The following TEP1 variants were observed in gnomAD, a reference collection of about 807,000 sequenced individuals.
TEP1 encodes the protein telomerase associated protein 1.
Under a neutral mutation model 306.3 loss-of-function variants are expected in TEP1, and 241 were observed. The ratio of observed to expected loss-of-function variants is 0.79; its 90% confidence interval spans 0.71 to 0.88. The LOEUF is 0.88. TEP1 is among the 40% of genes least tolerant of loss of function. The pLI, the probability that TEP1 is intolerant of heterozygous loss-of-function variation, is 0.00. For synonymous variants in TEP1, 1,289 were observed against 1,305.5 expected (o/e 0.99, Z 0.27); for missense variants, 3,051 against 3,276.1 (o/e 0.93, Z 1.68).
At position 20,373,520 on chromosome 14, in the gene TEP1, C is replaced by T. The variant is rs577647442; in HGVS notation, c.6668G>A (p.Trp2223Ter). The change falls in exon 46 of 55, where the codon TGG becomes TAG. Residue 2223 changes from tryptophan to a stop codon, truncating the protein, a stop_gained. Coordinates refer to ENST00000262715, the MANE Select transcript of TEP1 (RefSeq NM_007110.5). LOFTEE classifies it high-confidence loss of function. The stretch of plus-strand genomic sequence containing the variant: ...GCAGGAACTCACCAAGAGTGGATGC[C>T]ATAACCGTGTGGCCCCATCTAGCCC... Reference protein sequence around the residue: ...TVGLDGATRLWHPLLVCQTHT... With the variant: ...TVGLDGATRL 8.7e-6 allele frequency: 14 copies of T among 1,614,214 alleles called. 1 individual carries two copies. The South Asian group carries it at 1.5e-4, about 18-fold the overall frequency.
In TEP1 at chr14:20,390,780, T is replaced by G. The variant is rs370880167; in HGVS notation, c.2257-22A>C. 17 of 1,613,784 alleles carry G rather than the reference T, an allele frequency of 1.1e-5. No individual in the cohort carries two copies. In the African/African-American group the frequency reaches 2.0e-4, roughly 19 times the overall value. On this transcript the variant is annotated intron_variant, in intron 14 of 54. Transcript: ENST00000262715. Reference sequence around the variant, plus strand: ...ACTCCTGAAGGAAAGAGACTTCATGTTATGTGGTTGCACAGTAAGCGACAA... The same window carrying G: ...ACTCCTGAAGGAAAGAGACTTCATGGTATGTGGTTGCACAGTAAGCGACAA...
intron 5 of TEP1, among the ~76,000 whole-genome samples, chr14:20,404,256 G>A (rs548482964): frequency 6.6e-6 from 1 of 151,836 alleles, no homozygotes; most frequent in South Asian, 2.1e-4. Context: ...TTGGGAGGCT[G>A]AGGAAGGAGA....
intron 1 of TEP1, among the ~76,000 whole-genome samples, chr14:20,409,825 C>A (rs557069481): frequency 6.6e-6 from 1 of 151,912 alleles, no homozygotes; most frequent in South Asian, 2.1e-4. Flanking sequence ...TCGAGACCAT[C>A]CTGGCTAACA....
chr14:20,398,313 G>C (rs1878377514), intron 9 of TEP1, among the ~76,000 whole-genome samples: 1 of 151,088 alleles, frequency 6.6e-6, no homozygotes, highest in Non-Finnish European at 1.5e-5. Flanking sequence ...GGGAGGCGGA[G>C]GTTGAAGTGA....
intron 20 of TEP1, among the ~76,000 whole-genome samples, chr14:20,385,853 A>G (rs12895477): frequency 0.12 from 18,018 of 152,062 alleles, 1,445 homozygotes; most frequent in South Asian, 0.17. Flanking sequence ...AAGCAGACCC[A>G]CCCTCTTACT....
intron 5 of TEP1, 94 bp downstream of exon 5, chr14:20,404,516 GA>G: frequency 6.8e-7 from 1 of 1,473,376 alleles, no homozygotes; most frequent in Admixed American, 2.3e-5. Flanking sequence ...AAGCTGAGGG[GA>G]AACCAAATTG....
rs1885300962 is a variant in TEP1 at position 20,378,077 on chromosome 14, C to T, written c.5668G>A (p.Ala1890Thr). 6.2e-7 allele frequency: 1 copy of T among 1,613,908 alleles called. No homozygotes were observed. Among genetic ancestry groups the T allele is most frequent in the Non-Finnish European group, 8.5e-7 (1 of 1,180,042 alleles). Residue 1890 changes from alanine to threonine, a missense_variant, in exon 39 of 55, where the codon GCG becomes ACG. Coordinates refer to ENST00000262715, the MANE Select transcript of TEP1 (RefSeq NM_007110.5). ...FPAHHGFVAA[A>T]LFLHAGCQLL... ...TGGCAACCCGCATGCAGGAAAAGCG[C>T]AGCAGCAACAAAGCCATGGTGGGCA...
chr14:20,373,586 G>A lies in TEP1; in HGVS notation c.6605-3C>T. ...AAGCTCTGACCCAGGCTGTCCAGCT[G>A]ATAAGACACAGAGACTGAGTCAGAA... is the stretch of plus-strand genomic sequence containing the variant. On this transcript the variant is annotated splice_polypyrimidine_tract_variant and splice_region_variant and intron_variant, in intron 45 of 54. Transcript: ENST00000262715. 1 of 1,614,224 alleles carries A rather than the reference G, an allele frequency of 6.2e-7. No homozygotes were observed. Among genetic ancestry groups the A allele is most frequent in the Non-Finnish European group, 8.5e-7 (1 of 1,180,036 alleles).
chr14:20,407,279 T>C (rs1158136186), intron 2 of TEP1, among the ~76,000 whole-genome samples: 1 of 152,238 alleles, frequency 6.6e-6, no homozygotes, highest in Non-Finnish European at 1.5e-5. Flanking sequence ...AGCACCTAAC[T>C]GACTCTGCTA....
chr14:20,405,783 G>A (rs1879125411), intron 3 of TEP1, among the ~76,000 whole-genome samples, 198 bp from the exon 4 acceptor site: 1 of 152,164 alleles, frequency 6.6e-6, no homozygotes, highest in Non-Finnish European at 1.5e-5. Flanking sequence ...GGAGACTGAG[G>A]TGGGCAGACC....
intron 21 of TEP1, 55 bp from the exon 22 acceptor site, chr14:20,384,768 C>T (rs934291376): frequency 3.2e-6 from 5 of 1,550,120 alleles, no homozygotes; most frequent in Middle Eastern, 3.4e-4. Flanking sequence ...GCCAGCCTCC[C>T]TCCACCAACC....
intron 6 of TEP1, 21 bp from the exon 7 acceptor site, chr14:20,403,469 A>G (rs1273505938): frequency 6.2e-7 from 1 of 1,613,052 alleles, no homozygotes; most frequent in East Asian, 2.2e-5. Context: ...AGGAGAAGCA[A>G]TTTCAAAAAA....
chr14:20,396,826 G>T, intron 9 of TEP1, 96 bp from the exon 10 acceptor site: 2 of 810,482 alleles, frequency 2.5e-6, no homozygotes, highest in Non-Finnish European at 1.9e-6. Flanking sequence ...GGCTGAGACA[G>T]AAGGATCACT....
intron 15 of TEP1, 103 bp downstream of exon 15, chr14:20,390,578 T>A (rs1877618131): frequency 1.9e-6 from 2 of 1,073,902 alleles, no homozygotes; most frequent in Admixed American, 3.7e-5. Context: ...CTGACTATTG[T>A]ATGTGGTTGG....
chr14:20,407,796 A>C, intron 2 of TEP1, 77 bp downstream of exon 2: 1 of 1,295,624 alleles, frequency 7.7e-7, no homozygotes, highest in Non-Finnish European at 1.1e-6. Context: ...ACAGAGGGAA[A>C]CTGAGACACT....
rs980868382 is a variant in TEP1, at chr14:20,366,236, A to G, written c.*2201T>C. The G allele has an allele frequency of 4.3e-4, 66 of 152,290 alleles. No individual in the cohort carries two copies. The highest frequency in any genetic ancestry group is 1.5e-3 in the African/African-American group (64 of 41,556). 9.4% of individuals were successfully genotyped at this position (152,290 alleles called of 1,614,324 possible). A position where few individuals can be genotyped will look rare whatever the true frequency, so the allele number is the denominator to read the frequency against. Reference sequence around the variant, plus strand: ...GTTAGCCTTTGCTTAACTTTCCCCAACCCCTTCACTCCAGCCTTAGCTGGG... The same window carrying G: ...GTTAGCCTTTGCTTAACTTTCCCCAGCCCCTTCACTCCAGCCTTAGCTGGG... On this transcript the variant is annotated 3_prime_UTR_variant, in exon 55 of 55. Transcript: ENST00000262715.
intron 10 of TEP1, 111 bp from the exon 11 acceptor site, chr14:20,396,060 T>TA: frequency 1.5e-6 from 1 of 658,454 alleles, no homozygotes; most frequent in South Asian, 2.6e-5. Context: ...AAAATGAACT[T>TA]AGACAAGAGA....
chr14:20,389,792 G>A (rs746608963), intron 15 of TEP1, 52 bp from the exon 16 acceptor site: 1 of 1,606,218 alleles, frequency 6.2e-7, no homozygotes. Context: ...AGACAGCCCA[G>A]GACATTAAGA....
At position 20,382,440 on chromosome 14, in the gene TEP1, G is replaced by C. The variant is rs1020551961; in HGVS notation, c.4141-84C>G. 38 of 1,552,598 alleles carry C rather than the reference G, an allele frequency of 2.4e-5. 1 individual carries two copies. The South Asian group carries it at 3.2e-4, about 13-fold the overall frequency. On this transcript the variant is annotated intron_variant, in intron 28 of 54. Transcript: ENST00000262715. ...GTGGGATAGGGAAGGGGCAGCAGGA[G>C]GACAGTGTGGAGGAATGAAAAAGTA...
Sources: allele counts gnomAD v4.1 joint callset (sites outside exome capture counted in the v4.1 genomes callset), GRCh38; gene constraint gnomAD v4.1.1; transcripts MANE v1.5; gene names NCBI Gene and HGNC (gene_info 2026-07-23, HGNC 2026-07-21).